WNT3: variants seen among roughly 807,000 people sequenced by gnomAD.
WNT3 encodes proto-oncogene Wnt-3.
A neutral mutation model predicts 34.2 loss-of-function variants in WNT3; 7 were observed. The ratio of observed to expected loss-of-function variants is 0.20; its 90% confidence interval spans 0.12 to 0.38. WNT3 has a LOEUF of 0.38. Ranked by LOEUF, WNT3 falls within the 10% of genes least tolerant of loss-of-function variation. WNT3 has a pLI of 1.00. For missense variants in WNT3, 267 were observed against 499.8 expected (o/e 0.53, Z 4.44); for synonymous variants, 212 against 211.5 (o/e 1.00, Z -0.02).
chr17:46,798,326 A>G (rs2084080616), intron 1 of WNT3, among the ~76,000 whole-genome samples: 1 of 152,218 alleles, frequency 6.6e-6, no homozygotes, highest in African/African-American at 2.4e-5. Context: ...GGACCCACAG[A>G]TGGACACGAC....
At chr17:46,815,699 ACT>A in intron 1 of WNT3, among the ~76,000 whole-genome samples, 1 of 151,870 alleles carries the variant, frequency 6.6e-6, no homozygotes. Flanking sequence ...AGGGCCAGTG[ACT>A]CTAGTGCCTG....
At chr17:46,776,834 A>G (rs2059416235) in intron 1 of WNT3, among the ~76,000 whole-genome samples, 1 of 152,042 alleles carries the variant, frequency 6.6e-6, no homozygotes, top group Non-Finnish European at 1.5e-5. Context: ...CGGAGAGCTG[A>G]GGCGGGAGTG....
At chr17:46,771,760 C>CCCGCGCCGCG (rs568207694) in intron 2 of WNT3, among the ~76,000 whole-genome samples, 15 of 137,294 alleles carry the variant, frequency 1.1e-4, no homozygotes, top group African/African-American at 2.4e-4. Context: ...GCCCCCCGCC[C>CCCGCGCCGCG]CCGCGCCGCG....
intron 2 of WNT3, among the ~76,000 whole-genome samples, chr17:46,771,706 C>T (rs1173663832): frequency 2.8e-5 from 4 of 143,528 alleles, no homozygotes; most frequent in African/African-American, 5.0e-5. Context: ...CCGGGCCGCG[C>T]CCCCGGCCCC....
intron 2 of WNT3, 28 bp downstream of exon 2, chr17:46,773,633 CAGCCCCT>C: frequency 1.0e-4 from 63 of 628,074 alleles, no homozygotes; most frequent in South Asian, 2.1e-4. Context: ...TCCCCCCACC[CAGCCCCT>C]CCCCCCCCCT....
At chr17:46,769,539 G>A (rs2059345021) in intron 3 of WNT3, among the ~76,000 whole-genome samples, 3 of 152,246 alleles carry the variant, frequency 2.0e-5, no homozygotes, top group East Asian at 3.9e-4. Flanking sequence ...CTGATCCCAC[G>A]GGGTGGCCAT....
At chr17:46,784,284 AAGCAAAGC>A (rs1178341754) in intron 1 of WNT3, among the ~76,000 whole-genome samples, 4 of 152,116 alleles carry the variant, frequency 2.6e-5, no homozygotes, top group Non-Finnish European at 4.4e-5. Context: ...GGAAGGTAAG[AAGCAAAGC>A]AGCTTTGGGA....
At chr17:46,812,346 C>G (rs984086878) in intron 1 of WNT3, among the ~76,000 whole-genome samples, 1 of 152,152 alleles carries the variant, frequency 6.6e-6, no homozygotes, top group Admixed American at 6.5e-5. Context: ...ACCCCCGCCC[C>G]AAGAATGTAA....
At chr17:46,809,490 ACT>A (rs896531442) in intron 1 of WNT3, among the ~76,000 whole-genome samples, 2 of 151,916 alleles carry the variant, frequency 1.3e-5, no homozygotes, top group Non-Finnish European at 2.9e-5. Context: ...ACGTACACAC[ACT>A]CAGTCCTCGC....
chr17:46,772,249 A>C (rs1318493295), intron 2 of WNT3, among the ~76,000 whole-genome samples: 1 of 151,868 alleles, frequency 6.6e-6, no homozygotes, highest in Non-Finnish European at 1.5e-5. Flanking sequence ...TCGGGCACAC[A>C]TCGCCCCTCC....
At chr17:46,809,043 A>G (rs1451146306) in intron 1 of WNT3, among the ~76,000 whole-genome samples, 1 of 152,188 alleles carries the variant, frequency 6.6e-6, no homozygotes, top group African/African-American at 2.4e-5. Context: ...TTTTAAAGTC[A>G]GAGAGAGGAG....
intron 1 of WNT3, among the ~76,000 whole-genome samples, chr17:46,810,430 GGAGAGC>G (rs2084258867): frequency 6.6e-6 from 1 of 152,174 alleles, no homozygotes; most frequent in African/African-American, 2.4e-5. Context: ...GATGCTCAAT[GGAGAGC>G]CCCTGGCAGA....
At chr17:46,806,904 C>T (rs2146454577) in intron 1 of WNT3, among the ~76,000 whole-genome samples, 1 of 152,328 alleles carries the variant, frequency 6.6e-6, no homozygotes, top group African/African-American at 2.4e-5. Context: ...ACGGGAGCAG[C>T]TCTGTTGGAG....
intron 1 of WNT3, among the ~76,000 whole-genome samples, chr17:46,806,010 C>T (rs1474617649): frequency 2.6e-5 from 4 of 152,136 alleles, no homozygotes; most frequent in Non-Finnish European, 2.9e-5. Context: ...TAACAAGAGT[C>T]TCTGCCTCCT....
chr17:46,769,040 T>C (rs1470344475), intron 3 of WNT3, among the ~76,000 whole-genome samples: 3 of 151,904 alleles, frequency 2.0e-5, no homozygotes, highest in Non-Finnish European at 4.4e-5. Context: ...GAAATACGAG[T>C]TGTTGCCCAG....
At chr17:46,772,417 G>A (rs968625749) in intron 2 of WNT3, among the ~76,000 whole-genome samples, 9 of 152,248 alleles carry the variant, frequency 5.9e-5, no homozygotes, top group Non-Finnish European at 1.3e-4. Flanking sequence ...GCGATCAGAG[G>A]TGACTCGCTT....
At chr17:46,817,615 G>GC (rs1358012496) in intron 1 of WNT3, among the ~76,000 whole-genome samples, 3 of 149,258 alleles carry the variant, frequency 2.0e-5, no homozygotes, top group African/African-American at 7.4e-5. Context: ...CCTCACCCAG[G>GC]CCCCCCAGAC....
chr17:46,796,989 C>T (rs924501266), intron 1 of WNT3, among the ~76,000 whole-genome samples: 1 of 152,178 alleles, frequency 6.6e-6, no homozygotes, highest in Non-Finnish European at 1.5e-5. Context: ...GGAGAATCTT[C>T]TCGATCCCAT....
At chr17:46,781,849 C>T (rs1050203643) in intron 1 of WNT3, among the ~76,000 whole-genome samples, 3 of 152,172 alleles carry the variant, frequency 2.0e-5, no homozygotes, top group East Asian at 1.9e-4. Context: ...TTCCTCTATA[C>T]GGGAAGATTG....
Sources: gnomAD v4.1 joint callset for allele counts (sites outside exome capture counted in the v4.1 genomes callset) on GRCh38, gnomAD v4.1.1 for gene constraint, MANE v1.5 for transcripts, NCBI Gene and HGNC (gene_info 2026-07-23, HGNC 2026-07-21) for gene names.